AP4E1: variants seen among roughly 807,000 people sequenced by gnomAD.
AP4E1 encodes AP-4 complex subunit epsilon-1.
In AP4E1, 56 loss-of-function variants were observed where a neutral mutation model predicts 128.2. The ratio of observed to expected loss-of-function variants is 0.44; its 90% CI spans 0.35 to 0.55. The LOEUF (loss-of-function observed/expected upper bound fraction) is 0.55. AP4E1 is among the 20% of genes least tolerant of loss of function. The pLI is 0.00. For synonymous variants in AP4E1, 484 were observed against 473.1 expected (o/e 1.02, Z -0.30); for missense variants, 1,324 against 1,307.7 (o/e 1.01, Z -0.19).
intron 8 of AP4E1, among the ~76,000 whole-genome samples, chr15:50,939,448 A>G (rs2063953556): frequency 6.6e-6 from 1 of 152,014 alleles, no homozygotes; most frequent in African/African-American, 2.4e-5. Flanking sequence ...AGAAATTCTC[A>G]GTTGTATTTT....
intron 17 of AP4E1, among the ~76,000 whole-genome samples, chr15:50,995,587 T>C (rs1375691206): frequency 2.0e-5 from 3 of 152,034 alleles, no homozygotes; most frequent in African/African-American, 7.2e-5. Flanking sequence ...GGTTTCACCA[T>C]GTTGGCCAGG....
chr15:50,987,826 T>A (rs2064749527), intron 16 of AP4E1, among the ~76,000 whole-genome samples: 1 of 152,192 alleles, frequency 6.6e-6, no homozygotes, highest in African/African-American at 2.4e-5. Flanking sequence ...GGGCTGTTGT[T>A]TCAGTGGTTT....
At position 50,929,150 on chromosome 15, in the gene AP4E1, A is replaced by G. The variant is rs1238343522; in HGVS notation, c.684A>G (p.Ile228Met). Residue 228 changes from isoleucine (I) to methionine (M), a missense_variant, in exon 6 of 21, where the codon ATA (isoleucine) becomes ATG (methionine). Coordinates refer to ENST00000261842, the MANE Select transcript of AP4E1 (RefSeq NM_007347.5). ...GGGTCATGGCTGCCTCCTTGCATAT[A>G]TATCTTAGAATGATTAAGGTAAGTT... ...DVGVMAASLH[I>M]YLRMIKENSS... The G allele has an allele frequency of 1.9e-6, 3 of 1,613,710 alleles. No individual in the cohort carries two copies. Among genetic ancestry groups the G allele is most frequent in the South Asian group, 1.1e-5 (1 of 91,084 alleles).
At chr15:50,927,971 A>C (rs1406120249) in intron 5 of AP4E1, among the ~76,000 whole-genome samples, 1 of 152,234 alleles carries the variant, frequency 6.6e-6, no homozygotes, top group East Asian at 1.9e-4. Context: ...ATTTCTAACA[A>C]GGAAGAAGCT....
At chr15:50,962,302 A>G (rs925912794) in intron 14 of AP4E1, among the ~76,000 whole-genome samples, 2 of 152,048 alleles carry the variant, frequency 1.3e-5, no homozygotes, top group Non-Finnish European at 2.9e-5. Context: ...AATAGCCAAT[A>G]CAATACTAAG....
intron 11 of AP4E1, 99 bp downstream of exon 11, chr15:50,948,258 G>A: frequency 7.1e-7 from 1 of 1,409,170 alleles, no homozygotes; most frequent in Non-Finnish European, 9.8e-7. Flanking sequence ...CGAGTTCAGA[G>A]ACCTAGCAAT....
intron 19 of AP4E1, among the ~76,000 whole-genome samples, chr15:51,000,141 C>CTT (rs11383470): frequency 0.15 from 17,710 of 120,756 alleles, 1,727 homozygotes; most frequent in Middle Eastern, 0.2. Flanking sequence ...TTTGTTCATT[C>CTT]TTTTTTTTTT....
At position 50,908,938 on chromosome 15, in the gene AP4E1, C is replaced by T. The variant is rs751457873; in HGVS notation, c.150+10C>T. The T allele has an allele frequency of 2.5e-6, 4 of 1,610,390 alleles. No homozygotes were observed. Among genetic ancestry groups the T allele is most frequent in the East Asian group, 2.2e-5 (1 of 44,820 alleles). ...CCTCACCTCCAAGCACGTAGGTGCC[C>T]GCCGGCCCGGGAGCTCAGGGACATC... On this transcript the variant is annotated intron_variant, in intron 1 of 20. Transcript: ENST00000261842.
chr15:50,987,503 T>G (rs1050075360), intron 16 of AP4E1, among the ~76,000 whole-genome samples: 1 of 152,254 alleles, frequency 6.6e-6, no homozygotes, highest in Non-Finnish European at 1.5e-5. Flanking sequence ...GTATGTTGTG[T>G]CTTTGTTCTT....
Position 50,997,832 on chromosome 15 carries a change from T to C in AP4E1, c.2853T>C (p.Gly951=). ...TCTGGTCAGTCACTAATAAGAGTGG[T>C]TTGGAATTGAAAAGTGCTGACTTAG... ...LMVWSVTNKS[G]LELKSADLEI... The change falls in exon 18 of 21, where the codon GGT becomes GGC. Residue 951 remains glycine, a synonymous_variant. Transcript: ENST00000261842. The C allele has an allele frequency of 6.3e-7, 1 of 1,599,734 alleles. No homozygotes were observed. Among genetic ancestry groups the C allele is most frequent in the South Asian group, 1.1e-5 (1 of 89,814 alleles).
intron 10 of AP4E1, chr15:50,945,901 C>A: frequency 2.7e-6 from 3 of 1,109,074 alleles, no homozygotes; most frequent in African/African-American, 1.5e-5. Flanking sequence ...GAAAGAAGCT[C>A]GTCGAAGAAA....
In AP4E1 at chr15:50,993,566, A is replaced by C; in HGVS notation, c.2287A>C (p.Lys763Gln). The part of the protein sequence containing the change: ...VLTQSKEEKE[K>Q]QLLASSLFVG... ...TACCCAATCTAAAGAGGAGAAAGAA[A>C]AGCAGCTGCTGGCATCATCATTATT... Residue 763 changes from lysine to glutamine, a missense_variant, in exon 17 of 21, where the codon AAG becomes CAG. Physicochemically the swap from Lys to Gln is moderately conservative, Grantham distance 53. Coordinates refer to ENST00000261842, the MANE Select transcript of AP4E1 (RefSeq NM_007347.5). The C allele has an allele frequency of 6.2e-7, 1 of 1,614,084 alleles. No homozygotes were observed. The highest frequency in any genetic ancestry group is 8.5e-7 in the Non-Finnish European group (1 of 1,179,960).
intron 16 of AP4E1, among the ~76,000 whole-genome samples, chr15:50,987,373 T>C (rs1010884615): frequency 3.9e-5 from 6 of 152,218 alleles, no homozygotes; most frequent in African/African-American, 1.4e-4. Flanking sequence ...CTTGCTTCTC[T>C]AGTTCTTTTA....
At position 50,997,530 on chromosome 15, in the gene AP4E1, G is replaced by A; in HGVS notation, c.2551G>A (p.Glu851Lys). ...KELKKFSLTSELLDSESLTEL... is the reference protein window; with the variant it reads ...KELKKFSLTSKLLDSESLTEL... The stretch of plus-strand genomic sequence containing the variant: ...ATTAAAGAAATTTTCTCTCACTTCA[G>A]AACTTTTGGATTCTGAGTCACTCAC... Residue 851 changes from glutamate to lysine, a missense_variant, in exon 18 of 21, where the codon GAA (glutamate) becomes AAA (lysine). By Grantham distance (56) the Glu-to-Lys change is moderately conservative. Coordinates refer to ENST00000261842, the MANE Select transcript of AP4E1 (RefSeq NM_007347.5). 1 of 1,614,006 alleles carries A rather than the reference G, an allele frequency of 6.2e-7. No individual in the cohort carries two copies. The highest frequency in any genetic ancestry group is 8.5e-7 in the Non-Finnish European group (1 of 1,179,956).
chr15:50,919,102 T>C (rs1472915668), intron 3 of AP4E1, among the ~76,000 whole-genome samples: 1 of 151,064 alleles, frequency 6.6e-6, no homozygotes, highest in African/African-American at 2.4e-5. Context: ...TGGTGGTGGG[T>C]GCCTGTAGTC....
intron 3 of AP4E1, among the ~76,000 whole-genome samples, chr15:50,917,294 T>C (rs2063641209): frequency 6.6e-6 from 1 of 152,242 alleles, no homozygotes; most frequent in Admixed American, 6.5e-5. Flanking sequence ...TACAATTCAA[T>C]CATAACAAGA....
chr15:50,944,228 A>C (rs913147478), intron 10 of AP4E1, among the ~76,000 whole-genome samples: 1 of 152,198 alleles, frequency 6.6e-6, no homozygotes. Context: ...TGATACGGTG[A>C]GAACTTTGGT....
In AP4E1 at chr15:50,930,817, G is replaced by A; in HGVS notation, c.715G>A (p.Gly239Arg). 6.2e-7 allele frequency: 1 copy of A among 1,613,970 alleles called. No homozygotes were observed. The highest frequency in any genetic ancestry group is 1.3e-5 in the African/African-American group (1 of 74,980). Residue 239 changes from glycine (G) to arginine (R), a missense_variant, in exon 7 of 21, where the codon GGA (glycine) becomes AGA (arginine). Gly to Arg is a moderately radical substitution (Grantham distance 125, BLOSUM62 -2). Coordinates refer to ENST00000261842, the MANE Select transcript of AP4E1 (RefSeq NM_007347.5). ...CGGGGGGATGTAGGAGAATTCATCT[G>A]GATATAAAGACTTGACTGGGAGTTT... Reference protein sequence around the residue: ...YLRMIKENSSGYKDLTGSFVT... With the variant: ...YLRMIKENSSRYKDLTGSFVT...
chr15:50,907,892 ACTCT>A (rs957423280), upstream of AP4E1, among the ~76,000 whole-genome samples: 6 of 152,192 alleles, frequency 3.9e-5, no homozygotes, highest in East Asian at 1.9e-4. Context: ...TGAATAAAAT[ACTCT>A]CTCTATGGGG....
Sources: gnomAD v4.1 joint callset for allele counts (sites outside exome capture counted in the v4.1 genomes callset) on GRCh38, gnomAD v4.1.1 for gene constraint, MANE v1.5 for transcripts, NCBI Gene and HGNC (gene_info 2026-07-23, HGNC 2026-07-21) for gene names.